Variants in IBSP observed in about 807,000 individuals in gnomAD.
The protein encoded by IBSP is integrin binding sialoprotein.
IBSP carries 19 observed loss-of-function variants against 25.5 expected under a neutral mutation model. That is an observed-to-expected ratio of 0.74 (90% CI 0.52 to 1.09). The LOEUF is 1.09. Among genes scored for constraint, IBSP ranks in the 50% least tolerant of loss-of-function variants. The probability of loss-of-function intolerance (pLI) is 0.00; values close to 1 mark genes in which losing one functional copy is unlikely to be tolerated. For missense variants in IBSP, 360 were observed against 382.3 expected (o/e 0.94, Z 0.49); for synonymous variants, 144 against 137.6 (o/e 1.05, Z -0.33).
intron 2 of IBSP, 41 bp downstream of exon 2, chr4:87,802,456 T>G: frequency 6.3e-7 from 1 of 1,595,116 alleles, no homozygotes; most frequent in Non-Finnish European, 8.5e-7. Flanking sequence ...TTCAGTTTTG[T>G]CTTTTTATGT....
At chr4:87,808,429 C>T (rs1722122001) in intron 5 of IBSP, among the ~76,000 whole-genome samples, 2 of 152,142 alleles carry the variant, frequency 1.3e-5, no homozygotes, top group Non-Finnish European at 2.9e-5. Context: ...GATCCGCCCG[C>T]CTCGGCCTCC....
At chr4:87,808,448 TGGGATTACA>T (rs1722123363) in intron 5 of IBSP, among the ~76,000 whole-genome samples, 1 of 152,234 alleles carries the variant, frequency 6.6e-6, no homozygotes, top group South Asian at 2.1e-4. Context: ...CCCAAAGTGC[TGGGATTACA>T]GGAGTGAGCC....
At position 87,802,674 on chromosome 4, in the gene IBSP, A is replaced by G. The variant is rs537231252; in HGVS notation, c.126A>G (p.Arg42=). ...EENGVFKYRP[R]YYLYKHAYFY... ...TGCAGGTCTTTAAGTACAGGCCACG[A>G]TATTATCTTTACAAGCATGCCTACT... Residue 42 remains arginine (R), a synonymous_variant, in exon 4 of 7, where the codon CGA becomes CGG. Transcript: ENST00000226284. The G allele has an allele frequency of 1.3e-6, 2 of 1,572,876 alleles. No homozygotes were observed. Among genetic ancestry groups the G allele is most frequent in the Non-Finnish European group, 1.7e-6 (2 of 1,168,050 alleles).
At chr4:87,801,998 A>C (rs1357201944) in intron 1 of IBSP, among the ~76,000 whole-genome samples, 3 of 152,174 alleles carry the variant, frequency 2.0e-5, no homozygotes, top group Admixed American at 6.5e-5. Context: ...CAATTCACTT[A>C]GCTGACACTC....
chr4:87,801,959 A>G (rs954468311), intron 1 of IBSP, among the ~76,000 whole-genome samples: 3 of 152,204 alleles, frequency 2.0e-5, no homozygotes, highest in Admixed American at 6.5e-5. Context: ...GTAAACAAAC[A>G]AACAGGGCAC....
chr4:87,810,139 G>A (rs1206651403), intron 5 of IBSP, among the ~76,000 whole-genome samples: 8 of 152,044 alleles, frequency 5.3e-5, no homozygotes, highest in Non-Finnish European at 8.8e-5. Flanking sequence ...CAGGAGAATC[G>A]CTTGAACCCA....
At chr4:87,810,387 T>C (rs1034201155) in intron 5 of IBSP, among the ~76,000 whole-genome samples, 13 of 152,152 alleles carry the variant, frequency 8.5e-5, no homozygotes, top group Non-Finnish European at 1.0e-4. Context: ...ATCTAAAACA[T>C]ATAGTGTGGA....
intron 5 of IBSP, among the ~76,000 whole-genome samples, chr4:87,807,159 G>A (rs1440871814): frequency 6.6e-6 from 1 of 152,160 alleles, no homozygotes; most frequent in African/African-American, 2.4e-5. Flanking sequence ...GTGCTACCAT[G>A]TTTATAACTG....
In IBSP at chr4:87,811,778, A is replaced by T; in HGVS notation, c.822A>T (p.Gly274=). The T allele has an allele frequency of 6.2e-7, 1 of 1,613,806 alleles. No homozygotes were observed. Among genetic ancestry groups the T allele is most frequent in the Non-Finnish European group, 8.5e-7 (1 of 1,179,878 alleles). Residue 274 remains glycine (G), a synonymous_variant, in exon 7 of 7, where the codon GGA becomes GGT. Transcript: ENST00000226284. ...CGGGCGCCAATGAATACGACAATGG[A>T]TATGAAATCTATGAAAGTGAGAACG... ...EYTGANEYDN[G]YEIYESENGE...
chr4:87,811,492 C>T lies in IBSP; in HGVS notation c.536C>T (p.Thr179Ile), dbSNP rs757070133. 8.1e-6 allele frequency: 13 copies of T among 1,613,920 alleles called. No individual in the cohort carries two copies. Among genetic ancestry groups the T allele is most frequent in the Non-Finnish European group, 1.0e-5 (12 of 1,179,960 alleles). ...GAAAACGAACAAGGCATAAACGGCA[C>T]CAGTACCAACAGCACAGAGGCAGAA... ...VDENEQGING[T>I]STNSTEAENG... is the part of the protein sequence containing the mutation. The change falls in exon 7 of 7, where the codon ACC becomes ATC. Residue 179 changes from threonine (T) to isoleucine (I), a missense_variant. Coordinates refer to ENST00000226284, the MANE Select transcript of IBSP (RefSeq NM_004967.4).
chr4:87,808,659 C>T (rs954623458), intron 5 of IBSP, among the ~76,000 whole-genome samples: 7 of 152,114 alleles, frequency 4.6e-5, no homozygotes, highest in African/African-American at 1.7e-4. Flanking sequence ...TATTTTGACT[C>T]TTAATAGATT....
At position 87,810,593 on chromosome 4, in the gene IBSP, A is replaced by C; in HGVS notation, c.247-13A>C. 6.3e-7 allele frequency: 1 copy of C among 1,586,356 alleles called. No individual in the cohort carries two copies. The highest frequency in any genetic ancestry group is 8.7e-7 in the Non-Finnish European group (1 of 1,156,022). On this transcript the variant is annotated splice_polypyrimidine_tract_variant and intron_variant, in intron 5 of 6. Coordinates refer to ENST00000226284, the MANE Select transcript of IBSP (RefSeq NM_004967.4). ...GGTAAAATAATTTTTCTTACTATGA[A>C]TATTTTTAACAGGAGACTTCAAATG...
rs1043667493 is a variant in IBSP at position 87,806,023 on chromosome 4, T to A, written c.184-99T>A. On this transcript the variant is annotated intron_variant, in intron 4 of 6. Coordinates refer to ENST00000226284, the MANE Select transcript of IBSP (RefSeq NM_004967.4). ...ACTAATTAGATTGAGTAAATATTTG[T>A]GTGTATTTTATTGTGATTCAATTAG... 16 of 880,004 alleles carry A rather than the reference T, an allele frequency of 1.8e-5. 1 individual carries two copies. Among genetic ancestry groups the A allele is most frequent in the South Asian group, 1.2e-4 (8 of 66,980 alleles). The allele number at this position is 880,004 out of a possible 1,614,324, so 54.5% of individuals were successfully genotyped here. A position where few individuals can be genotyped will look rare whatever the true frequency, so the allele number is the denominator to read the frequency against.
chr4:87,811,215 C>A, intron 6 of IBSP, 147 bp from the exon 7 acceptor site: 1 of 864,638 alleles, frequency 1.2e-6, no homozygotes, highest in African/African-American at 1.7e-5. Flanking sequence ...AGTTTTAAAG[C>A]CCCCAATCAT....
chr4:87,806,019 T>C (rs1722083060), intron 4 of IBSP, 103 bp from the exon 5 acceptor site: 3 of 861,104 alleles, frequency 3.5e-6, no homozygotes, highest in Non-Finnish European at 5.6e-6. Flanking sequence ...TGAGTAAATA[T>C]TTGTGTGTAT....
At chr4:87,802,150 G>A (rs776074520) in intron 1 of IBSP, among the ~76,000 whole-genome samples, 198 bp from the exon 2 acceptor site, 58 of 152,064 alleles carry the variant, frequency 3.8e-4, no homozygotes, top group Non-Finnish European at 6.6e-4. Flanking sequence ...TTATTTAAAC[G>A]GATGGGTTAA....
chr4:87,810,802 C>T, intron 6 of IBSP, 38 bp downstream of exon 6: 10 of 1,568,370 alleles, frequency 6.4e-6, no homozygotes, highest in Non-Finnish European at 8.7e-6. Flanking sequence ...GAAATTATTA[C>T]CATTAATAAT....
chr4:87,810,742 C>T lies in IBSP; in HGVS notation c.383C>T (p.Ala128Val). The T allele has an allele frequency of 6.2e-7, 1 of 1,610,872 alleles. No homozygotes were observed. The highest frequency in any genetic ancestry group is 1.7e-5 in the Admixed American group (1 of 59,302). ...ATPGTGYTGL[A>V]AIQLPKKAGD... ...CCTGGCACAGGGTATACAGGGTTAG[C>T]TGCAATCCAGCTTCCCAAGAAGGTA... Residue 128 changes from alanine to valine, a missense_variant, in exon 6 of 7, where the codon GCT becomes GTT. Physicochemically the swap from Ala to Val is moderately conservative, Grantham distance 64. Coordinates refer to ENST00000226284, the MANE Select transcript of IBSP (RefSeq NM_004967.4).
chr4:87,802,890 T>C (rs932637968), intron 4 of IBSP, among the ~76,000 whole-genome samples, 159 bp downstream of exon 4: 1 of 152,214 alleles, frequency 6.6e-6, no homozygotes, highest in African/African-American at 2.4e-5. Flanking sequence ...AAGGTTTATT[T>C]CTAAGTTCTC....
Sources: allele counts gnomAD v4.1 joint callset (sites outside exome capture counted in the v4.1 genomes callset), GRCh38; gene constraint gnomAD v4.1.1; transcripts MANE v1.5; gene names NCBI Gene and HGNC (gene_info 2026-07-23, HGNC 2026-07-21).